Variants in TBCE observed in about 807,000 individuals in gnomAD.
TBCE encodes tubulin-specific chaperone E.
A neutral mutation model predicts 77.0 loss-of-function variants in TBCE; 53 were observed. The ratio of observed to expected loss-of-function variants is 0.69; its 90% CI spans 0.55 to 0.87. The LOEUF is 0.87. Ranked by LOEUF, TBCE falls within the 40% of genes least tolerant of loss-of-function variation. The probability of loss-of-function intolerance (pLI) is 0.00; values close to 1 mark genes in which losing one functional copy is unlikely to be tolerated. For synonymous variants in TBCE, 235 were observed against 241.3 expected, an observed-to-expected ratio of 0.97 and a Z score of 0.24; for missense variants, 624 against 622.4, an observed-to-expected ratio of 1.00 and a Z score of -0.03.
At chr1:235,435,720 T>G in intron 8 of TBCE, 25 bp from the exon 9 acceptor site, 1 of 1,598,016 alleles carries the variant, frequency 6.3e-7, no homozygotes, top group Non-Finnish European at 8.6e-7. Flanking sequence ...AAATTCACGG[T>G]GAAAAAATTT....
At chr1:235,442,111 C>T (rs540189581) in intron 14 of TBCE, among the ~76,000 whole-genome samples, 52 of 151,294 alleles carry the variant, frequency 3.4e-4, no homozygotes, top group African/African-American at 1.1e-3. Flanking sequence ...AGGTTCTAAG[C>T]GATTCTCCTG....
At chr1:235,381,603 T>C (rs1439432093) in intron 2 of TBCE, among the ~76,000 whole-genome samples, 2 of 138,988 alleles carry the variant, frequency 1.4e-5, no homozygotes, top group Admixed American at 8.3e-5. Context: ...GAGAATGGCA[T>C]GAACCTGGGA....
chr1:235,436,604 C>T lies in TBCE; in HGVS notation c.959C>T (p.Ser320Leu). 1 of 1,613,586 alleles carries T rather than the reference C, an allele frequency of 6.2e-7. No homozygotes were observed. Residue 320 changes from serine to leucine, a missense_variant, in exon 11 of 17, where the codon TCA becomes TTA. Ser to Leu is a moderately radical substitution (Grantham distance 145). Transcript: ENST00000642610. ...KYLVVNDNQI[S>L]QWSFFNELEK... The stretch of plus-strand genomic sequence containing the variant: ...CTGGTAGTAAACGACAATCAGATAT[C>T]ACAAGTAAGAGCTGCTCGGAGTATG...
At chr1:235,443,464 G>A (rs1232795376) in intron 15 of TBCE, among the ~76,000 whole-genome samples, 3 of 152,124 alleles carry the variant, frequency 2.0e-5, no homozygotes, top group Non-Finnish European at 4.4e-5. Flanking sequence ...CAGCCTCCCA[G>A]TGTTGGAATT....
intron 1 of TBCE, among the ~76,000 whole-genome samples, chr1:235,369,456 G>A (rs1433412106): frequency 3.3e-5 from 5 of 151,854 alleles, no homozygotes; most frequent in African/African-American, 1.2e-4. Flanking sequence ...GCAGTGAGCC[G>A]AGATCGTGCC....
At chr1:235,378,975 C>T (rs1677459546) in intron 1 of TBCE, among the ~76,000 whole-genome samples, 1 of 152,196 alleles carries the variant, frequency 6.6e-6, no homozygotes, top group Non-Finnish European at 1.5e-5. Context: ...CTCACAGGCT[C>T]TCTCTGCAGC....
intron 3 of TBCE, among the ~76,000 whole-genome samples, chr1:235,405,718 T>C (rs528836954): frequency 3.3e-5 from 5 of 152,270 alleles, no homozygotes; most frequent in Middle Eastern, 3.4e-3. Context: ...ACTAGTAACA[T>C]AGCCATTTAT....
At chr1:235,432,929 TAAAAAA>T in intron 7 of TBCE, 1 of 885,762 alleles carries the variant, frequency 1.1e-6, no homozygotes, top group South Asian at 4.1e-5. Context: ...TTTTTTTTTG[TAAAAAA>T]AAAAAATTAG....
intron 3 of TBCE, among the ~76,000 whole-genome samples, chr1:235,412,437 C>G (rs569330285): frequency 1.7e-4 from 25 of 150,856 alleles, no homozygotes; most frequent in African/African-American, 6.1e-4. Flanking sequence ...ACCATGTTGA[C>G]CAGGCTGGTC....
rs572782622 is a variant in TBCE, at chr1:235,370,398, G to A, written c.-32+2894G>A. On this transcript the variant is annotated intron_variant, in intron 1 of 16. Transcript: ENST00000642610. ...CTCCCAACTAGCTGTGATTACAGGC[G>A]CATGCCACCATGCCTGGCTAATTTT... Among the ~76,000 whole-genome samples, 20 of 151,656 alleles carry A rather than the reference G, an allele frequency of 1.3e-4. No individual in the cohort carries two copies. In the South Asian group the frequency reaches 3.3e-3, roughly 25 times the overall value.
chr1:235,432,506 A>G (rs904456417), intron 7 of TBCE, among the ~76,000 whole-genome samples: 1 of 152,168 alleles, frequency 6.6e-6, no homozygotes, highest in Non-Finnish European at 1.5e-5. Context: ...AGACACTGGC[A>G]CTGGGGCTCA....
intron 5 of TBCE, 144 bp from the exon 6 acceptor site, chr1:235,426,996 A>G (rs1680755706): frequency 2.0e-5 from 13 of 662,954 alleles, no homozygotes; most frequent in Non-Finnish European, 3.5e-5. Context: ...ACTTAAAAAT[A>G]TTATGTACTC....
chr1:235,425,731 C>T (rs972042465), intron 5 of TBCE, among the ~76,000 whole-genome samples: 13 of 152,044 alleles, frequency 8.6e-5, no homozygotes, highest in African/African-American at 1.2e-4. Flanking sequence ...GTCACACAGG[C>T]GCTGGCGGTC....
At chr1:235,376,048 A>T (rs1331867541) in intron 1 of TBCE, among the ~76,000 whole-genome samples, 1 of 152,158 alleles carries the variant, frequency 6.6e-6, no homozygotes. Context: ...TCTTCTCAAA[A>T]CAAACAAACA....
rs756270222 is a variant in TBCE, at chr1:235,448,441, G to GTAAGT, written c.1491+3_1491+7dup. On this transcript the variant is annotated splice_donor_variant, in intron 16 of 16. Coordinates refer to ENST00000642610, the MANE Select transcript of TBCE (RefSeq NM_003193.5). LOFTEE classifies it high-confidence loss of function. ...TCTGTTGTCCTATGAAAGTCCCAAA[G>GTAAGT]TAAGTTGCCCAGCAAAATACAAAGT... 7.4e-6 allele frequency: 12 copies of GTAAGT among 1,613,912 alleles called. No homozygotes were observed. The highest frequency in any genetic ancestry group is 1.0e-5 in the Non-Finnish European group (12 of 1,179,920).
chr1:235,373,750 G>A (rs1345179946), intron 1 of TBCE, among the ~76,000 whole-genome samples: 1 of 150,950 alleles, frequency 6.6e-6, no homozygotes, highest in Non-Finnish European at 1.5e-5. Flanking sequence ...CCGGGTTCAC[G>A]CCATTCTCCT....
chr1:235,374,916 T>C (rs528137019), intron 1 of TBCE, among the ~76,000 whole-genome samples: 2 of 140,734 alleles, frequency 1.4e-5, no homozygotes, highest in Middle Eastern at 3.7e-3. Flanking sequence ...ATTTCTTTTT[T>C]TTTCTTTTTT....
chr1:235,392,639 G>GACCTCAGGTGATCCGCCC (rs1247423216), intron 2 of TBCE, among the ~76,000 whole-genome samples: 1 of 151,598 alleles, frequency 6.6e-6, no homozygotes, highest in Non-Finnish European at 1.5e-5. Context: ...TCGAACTGCT[G>GACCTCAGGTGATCCGCCC]ACCTCAGGTG....
At chr1:235,383,852 T>C (rs955781426) in intron 2 of TBCE, among the ~76,000 whole-genome samples, 1 of 151,982 alleles carries the variant, frequency 6.6e-6, no homozygotes, top group Non-Finnish European at 1.5e-5. Flanking sequence ...TCCAACACTA[T>C]GTTGAATAGG....
Sources: gnomAD v4.1 joint callset for allele counts (sites outside exome capture counted in the v4.1 genomes callset) on GRCh38, gnomAD v4.1.1 for gene constraint, MANE v1.5 for transcripts, NCBI Gene and HGNC (gene_info 2026-07-23, HGNC 2026-07-21) for gene names.